Variants in RAB37 observed in about 807,000 individuals in gnomAD.
RAB37 encodes RAB37, member RAS oncogene family.
RAB37 carries 29 observed loss-of-function variants against 33.1 expected under a neutral mutation model. The observed-to-expected ratio is 0.88, with a 90% CI of 0.65 to 1.20. The LOEUF (loss-of-function observed/expected upper bound fraction) is 1.20, where lower values mean the gene tolerates loss of function less well. RAB37 is among the 50% of genes most tolerant of loss of function. RAB37 has a pLI of 0.00. For synonymous variants in RAB37, 128 were observed against 119.5 expected (o/e 1.07, Z -0.47); for missense variants, 299 against 301.1 (o/e 0.99, Z 0.05).
Position 74,745,495 on chromosome 17 carries a change from A to G in RAB37, c.*84A>G. ...AGGCCTGGCTTATTCCAAGAGGCTGAGCCAATGGGGAGAAAGATGGAGGAC... is the reference window on the plus strand; with the variant it reads ...AGGCCTGGCTTATTCCAAGAGGCTGGGCCAATGGGGAGAAAGATGGAGGAC... On this transcript the variant is annotated 3_prime_UTR_variant, in exon 9 of 9. Transcript: ENST00000392613. The surrounding 1 kb of genome is among the most constrained non-coding windows in gnomAD (Gnocchi z 4.5). 8.9e-7 allele frequency: 1 copy of G among 1,128,190 alleles called. No individual in the cohort carries two copies. Among genetic ancestry groups the G allele is most frequent in the Non-Finnish European group, 1.3e-6 (1 of 751,766 alleles). The allele number at this position is 1,128,190 out of a possible 1,614,324, so 69.9% of individuals were successfully genotyped here.
chr17:74,684,826 A>G (rs2032021603), intron 1 of RAB37, among the ~76,000 whole-genome samples: 1 of 150,984 alleles, frequency 6.6e-6, no homozygotes, highest in African/African-American at 2.4e-5. Flanking sequence ...GTAAAAATAC[A>G]TGCATGTGTT....
chr17:74,702,646 C>T (rs186369637), intron 1 of RAB37, among the ~76,000 whole-genome samples: 84 of 152,286 alleles, frequency 5.5e-4, no homozygotes, highest in African/African-American at 2.0e-3. Flanking sequence ...GCTCCATGAC[C>T]CCACGCCCAC....
At position 74,738,698 on chromosome 17, in the gene RAB37, C is replaced by A. The variant is rs2034538770; in HGVS notation, c.93+1333C>A. Among the ~76,000 whole-genome samples the A allele has an allele frequency of 6.6e-6, 1 of 152,218 alleles. No homozygotes were observed. The highest frequency in any genetic ancestry group is 2.1e-4 in the South Asian group (1 of 4,832). On this transcript the variant is annotated intron_variant, in intron 1 of 8. Coordinates refer to ENST00000392613, the MANE Select transcript of RAB37 (RefSeq NM_001006638.3). This position sits in a 1 kb window ranked among gnomAD's most constrained non-coding sequence, Gnocchi z 5.0. ...TCCAGAAAGCTCCTATCCCCCACCC[C>A]TTCATCTGTTCCCTGGCCAAGCGGC...
At chr17:74,695,036 G>A (rs546114695) in intron 1 of RAB37, 68 of 1,543,950 alleles carry the variant, frequency 4.4e-5, no homozygotes, top group Middle Eastern at 1.8e-4. Flanking sequence ...GGGGGCAGAC[G>A]GTCGATGAGG....
chr17:74,702,461 A>G (rs1211674628), intron 1 of RAB37, among the ~76,000 whole-genome samples: 1 of 152,228 alleles, frequency 6.6e-6, no homozygotes, highest in Non-Finnish European at 1.5e-5. Flanking sequence ...AAAGAAAACA[A>G]AATAATGCAC....
chr17:74,714,191 A>G lies in RAB37; in HGVS notation c.73-15065A>G, dbSNP rs944222200. ...GCACCACTGAACTCCAACCTAGGCA[A>G]CAGAGCAAGACTCTGTCTCAAAAAT... On this transcript the variant is annotated intron_variant, in intron 1 of 7. Coordinates refer to the RAB37 transcript ENST00000340415. Among the ~76,000 whole-genome samples, 8 of 152,210 alleles carry G rather than the reference A, an allele frequency of 5.3e-5. No individual in the cohort carries two copies. The East Asian group carries it at 1.5e-3, about 29-fold the overall frequency.
intron 1 of RAB37, among the ~76,000 whole-genome samples, chr17:74,704,159 T>C (rs1285173857): frequency 6.6e-6 from 1 of 152,208 alleles, no homozygotes; most frequent in Non-Finnish European, 1.5e-5. Flanking sequence ...GACTGGGGTC[T>C]CTGGGTACCA....
At chr17:74,743,087 C>G in intron 3 of RAB37, 42 bp from the exon 4 acceptor site, 1 of 1,581,744 alleles carries the variant, frequency 6.3e-7, no homozygotes, top group Non-Finnish European at 8.7e-7. Context: ...ATTCCTTGCA[C>G]CTGCCTCCTT....
chr17:74,703,242 G>T, intron 1 of RAB37: 1 of 966,240 alleles, frequency 1.0e-6, no homozygotes, highest in Non-Finnish European at 1.6e-6. Flanking sequence ...GCGGGGGTCT[G>T]GACTGCTACT....
chr17:74,719,778 A>G (rs543436765), intron 1 of RAB37, among the ~76,000 whole-genome samples: 1 of 152,328 alleles, frequency 6.6e-6, no homozygotes, highest in East Asian at 1.9e-4. Flanking sequence ...TGGCCTCCCC[A>G]AGCACTGGAA....
chr17:74,716,576 A>G (rs2034167054), intron 1 of RAB37, among the ~76,000 whole-genome samples: 1 of 152,176 alleles, frequency 6.6e-6, no homozygotes, highest in Admixed American at 6.5e-5. Context: ...CTCATTTTTC[A>G]AAGAAATTGA....
At position 74,745,307 on chromosome 17, in the gene RAB37, G is replaced by C. The variant is rs775475701; in HGVS notation, c.568G>C (p.Glu190Gln). The change falls in exon 9 of 9, where the codon GAA (glutamate) becomes CAA (glutamine). Residue 190 changes from glutamate (E) to glutamine (Q), a missense_variant and splice_region_variant. Physicochemically the swap from Glu to Gln is conservative, Grantham distance 29. Coordinates refer to ENST00000392613, the MANE Select transcript of RAB37 (RefSeq NM_001006638.3). The surrounding 1 kb of genome is among the most constrained non-coding windows in gnomAD (Gnocchi z 4.5). ...CCAGCCCATTGTCTCTTCTTCAAGG[G>C]AACTGAAATACCGGGCCGGGCATCA... ...VELAFLAIAK[E>Q]LKYRAGHQAD... The C allele has an allele frequency of 6.2e-7, 1 of 1,613,884 alleles. No homozygotes were observed. The highest frequency in any genetic ancestry group is 8.5e-7 in the Non-Finnish European group (1 of 1,179,932).
chr17:74,706,697 A>AGCAGT (rs2033548725), intron 1 of RAB37, among the ~76,000 whole-genome samples: 1 of 152,116 alleles, frequency 6.6e-6, no homozygotes, highest in Admixed American at 6.6e-5. Flanking sequence ...AACAAAAACC[A>AGCAGT]GCAGTTCAAG....
chr17:74,695,860 C>T (rs1444666213), intron 1 of RAB37: 1 of 1,613,014 alleles, frequency 6.2e-7, no homozygotes, highest in Admixed American at 1.7e-5. Context: ...GCTGCAGTAC[C>T]TGGGACAGGG....
rs1210653728 is a variant in RAB37 at position 74,730,312 on chromosome 17, A to T, written c.183+946A>T. Among the ~76,000 whole-genome samples, 1 of 152,212 alleles carries T rather than the reference A, an allele frequency of 6.6e-6. No homozygotes were observed. Among genetic ancestry groups the T allele is most frequent in the Non-Finnish European group, 1.5e-5 (1 of 68,034 alleles). On this transcript the variant is annotated intron_variant, in intron 2 of 7. Coordinates refer to the RAB37 transcript ENST00000340415. This position sits in a 1 kb window ranked among gnomAD's most constrained non-coding sequence, Gnocchi z 4.4. ...GCACAGGGCCTGTGAGATCACGCTC[A>T]GGGTCAGGACGCAGCAGTGCCACAC...
At position 74,746,390 on chromosome 17, in the gene RAB37, A is replaced by G. The variant is rs1028552803; in HGVS notation, c.*979A>G. 1 of 152,062 alleles carries G rather than the reference A, an allele frequency of 6.6e-6. No individual in the cohort carries two copies. Among genetic ancestry groups the G allele is most frequent in the Admixed American group, 6.6e-5 (1 of 15,262 alleles). 9.4% of individuals were successfully genotyped at this position (152,062 alleles called of 1,614,324 possible). ...AGGTGTGTACCATCACACCTGGCTA[A>G]TTTTTGTATTTTTTGTAGACACAGG... On this transcript the variant is annotated 3_prime_UTR_variant, in exon 9 of 9. Coordinates refer to ENST00000392613, the MANE Select transcript of RAB37 (RefSeq NM_001006638.3). This position sits in a 1 kb window ranked among gnomAD's most constrained non-coding sequence, Gnocchi z 5.2.
intron 1 of RAB37, among the ~76,000 whole-genome samples, chr17:74,691,161 A>C (rs1034760914): frequency 2.0e-5 from 3 of 152,156 alleles, no homozygotes; most frequent in African/African-American, 7.2e-5. Flanking sequence ...GGCGTGCGCC[A>C]CCACACCCAG....
chr17:74,704,406 C>A, intron 1 of RAB37: 4 of 1,104,512 alleles, frequency 3.6e-6, no homozygotes, highest in Non-Finnish European at 5.3e-6. Flanking sequence ...AATTAAATCA[C>A]TTGAGTAGGA....
At chr17:74,733,542 G>GGTGTGTGGTGTAACTTGAGGGGTGT (rs2034423714), upstream of RAB37, among the ~76,000 whole-genome samples, 1 of 41,674 alleles carries the variant, frequency 2.4e-5, no homozygotes, top group African/African-American at 8.9e-5. Flanking sequence ...TGAGGGGTGA[G>GGTGTGTGGTGTAACTTGAGGGGTGT]GTGTGTATGG....
Sources: gnomAD v4.1 joint callset for allele counts (sites outside exome capture counted in the v4.1 genomes callset) on GRCh38, gnomAD v4.1.1 for gene constraint, Gnocchi (gnomAD v3.1) non-coding constraint, MANE v1.5 for transcripts, NCBI Gene and HGNC (gene_info 2026-07-23, HGNC 2026-07-21) for gene names.